Variants in ROBO2 observed in about 807,000 individuals in gnomAD.
The protein encoded by ROBO2 is roundabout homolog 2.
A neutral mutation model predicts 160.8 loss-of-function variants in ROBO2; 53 were observed. That is an observed-to-expected ratio of 0.33 (90% CI 0.26 to 0.41). ROBO2 has a LOEUF of 0.41. Ranked by LOEUF, ROBO2 falls within the 10% of genes least tolerant of loss-of-function variation. ROBO2 has a pLI of 1.00. For missense variants in ROBO2, 1,577 were observed against 1,722.4 expected, an observed-to-expected ratio of 0.92 and a Z score of 1.49; for synonymous variants, 664 against 611.7, an observed-to-expected ratio of 1.09 and a Z score of -1.26.
At chr3:77,549,421 C>G (rs1049621402) in intron 7 of ROBO2, among the ~76,000 whole-genome samples, 1 of 151,934 alleles carries the variant, frequency 6.6e-6, no homozygotes, top group African/African-American at 2.4e-5. Flanking sequence ...ACAGTAGAAT[C>G]AGCTGATTCT....
chr3:76,571,253 G>A (rs143436550), intron 2 of ROBO2, among the ~76,000 whole-genome samples: 137 of 152,230 alleles, frequency 9.0e-4, no homozygotes, highest in African/African-American at 3.2e-3. Context: ...CATGTTACTT[G>A]TTAGGAGATA....
intron 2 of ROBO2, among the ~76,000 whole-genome samples, chr3:76,444,270 G>A (rs571836680): frequency 2.0e-5 from 3 of 152,138 alleles, no homozygotes; most frequent in East Asian, 1.9e-4. Flanking sequence ...GAGGCACTGC[G>A]CCTGTCCTAA....
chr3:77,382,345 C>A lies in ROBO2; in HGVS notation c.389-95069C>A, dbSNP rs546177966. On this transcript the variant is annotated intron_variant, in intron 2 of 25. Transcript: ENST00000461745. ...CGTTGAAATAGTAGAAAACACATGTCCTTTTTTTTTTTTTTTTAAAAAGTC... is the reference window on the plus strand; with the variant it reads ...CGTTGAAATAGTAGAAAACACATGTACTTTTTTTTTTTTTTTTAAAAAGTC... Among the ~76,000 whole-genome samples the A allele has an allele frequency of 1.6e-4, 10 of 61,624 alleles. No individual in the cohort carries two copies. In the East Asian group the frequency reaches 4.6e-3, roughly 28 times the overall value. The allele number at this position is 61,624 out of a possible 152,430, so 40.4% of individuals were successfully genotyped here.
intron 2 of ROBO2, among the ~76,000 whole-genome samples, chr3:76,445,569 T>G (rs934290536): frequency 6.6e-5 from 10 of 152,110 alleles, no homozygotes; most frequent in African/African-American, 2.4e-4. Context: ...TACCAAAGCC[T>G]GGCAGAGACA....
chr3:77,134,797 C>T (rs531038616), intron 2 of ROBO2, among the ~76,000 whole-genome samples: 3 of 151,296 alleles, frequency 2.0e-5, no homozygotes, highest in Admixed American at 2.0e-4. Context: ...TAATTTCCCT[C>T]CCTACATAAT....
intron 1 of ROBO2, among the ~76,000 whole-genome samples, chr3:75,927,596 A>G (rs1412840098): frequency 1.3e-5 from 2 of 152,222 alleles, no homozygotes; most frequent in Non-Finnish European, 2.9e-5. Flanking sequence ...ACGAGCAGGT[A>G]GCACAAAATA....
chr3:77,100,340 C>T (rs911787711), intron 2 of ROBO2, among the ~76,000 whole-genome samples: 2 of 152,114 alleles, frequency 1.3e-5, no homozygotes, highest in Non-Finnish European at 2.9e-5. Flanking sequence ...CCATTTGAGG[C>T]ATCACAAGGT....
intron 5 of ROBO2, among the ~76,000 whole-genome samples, chr3:77,495,933 G>A (rs2086727572): frequency 2.0e-5 from 3 of 152,136 alleles, no homozygotes; most frequent in South Asian, 2.1e-4. Flanking sequence ...GTAGGTGTTA[G>A]GTCATAAACC....
At chr3:76,991,338 T>G in intron 2 of ROBO2, among the ~76,000 whole-genome samples, 1 of 152,354 alleles carries the variant, frequency 6.6e-6, no homozygotes, top group South Asian at 2.1e-4. Context: ...TGCAACATTC[T>G]AAACTACTAA....
intron 2 of ROBO2, among the ~76,000 whole-genome samples, chr3:76,002,380 G>T (rs1208936976): frequency 2.0e-5 from 3 of 152,144 alleles, no homozygotes; most frequent in Non-Finnish European, 4.4e-5. Flanking sequence ...CCCGTGTGTT[G>T]TGGGAGGGAC....
chr3:77,375,898 T>A (rs1299297913), intron 2 of ROBO2, among the ~76,000 whole-genome samples: 1 of 149,428 alleles, frequency 6.7e-6, no homozygotes, highest in Admixed American at 6.7e-5. Context: ...AAATTACCGA[T>A]GATTTCAGTA....
intron 2 of ROBO2, among the ~76,000 whole-genome samples, chr3:77,259,036 G>A (rs2058609505): frequency 1.3e-5 from 2 of 152,114 alleles, no homozygotes; most frequent in Admixed American, 6.5e-5. Flanking sequence ...TTTCCTGCAC[G>A]TCTCCTTGGC....
chr3:76,292,862 A>G (rs1256432915), intron 2 of ROBO2, among the ~76,000 whole-genome samples: 1 of 152,062 alleles, frequency 6.6e-6, no homozygotes, highest in African/African-American at 2.4e-5. Flanking sequence ...ATCTCATTGT[A>G]GTGATCTTAT....
intron 2 of ROBO2, among the ~76,000 whole-genome samples, chr3:76,448,886 G>C (rs1372180757): frequency 6.6e-6 from 1 of 152,108 alleles, no homozygotes; most frequent in Non-Finnish European, 1.5e-5. Context: ...TGAAATACAA[G>C]TCTAAATCAC....
At position 76,216,266 on chromosome 3, in the gene ROBO2, A is replaced by C. The variant is rs893045513; in HGVS notation, c.109+278664A>C. Among the ~76,000 whole-genome samples, 3 of 152,314 alleles carry C rather than the reference A, an allele frequency of 2.0e-5. No individual in the cohort carries two copies. The South Asian group carries it at 6.2e-4, about 32-fold the overall frequency. On this transcript the variant is annotated intron_variant, in intron 2 of 26. Transcript: ENST00000487694. ...AACTGCATCAACTAATGAGCAAAAT[A>C]ACCAGCTAACATCATAATGAGAGGA...
rs758459656 is a variant in ROBO2, at chr3:77,607,960, G to C, written c.3293+6G>C. On this transcript the variant is annotated splice_donor_region_variant and intron_variant, in intron 21 of 25. Transcript: ENST00000461745. ...GTGGAACAACAAGAAAATGGGTAAA[G>C]ATATTTTATATACTAGCAAAATGGC... 5.6e-6 allele frequency: 9 copies of C among 1,613,792 alleles called. No individual in the cohort carries two copies. The South Asian group carries it at 9.9e-5, about 18-fold the overall frequency.
chr3:76,233,416 T>G (rs1201132827), intron 2 of ROBO2, among the ~76,000 whole-genome samples: 2 of 152,156 alleles, frequency 1.3e-5, no homozygotes, highest in Non-Finnish European at 2.9e-5. Flanking sequence ...GCTGCTGGGA[T>G]GACAGTTGTG....
chr3:75,956,869 G>A (rs1430526188), intron 2 of ROBO2, among the ~76,000 whole-genome samples: 5 of 151,626 alleles, frequency 3.3e-5, no homozygotes, highest in African/African-American at 1.2e-4. Context: ...CCAAAAAGTT[G>A]GACAAAGTGT....
chr3:76,748,029 A>G (rs1329334160), intron 2 of ROBO2, among the ~76,000 whole-genome samples: 4 of 151,244 alleles, frequency 2.6e-5, no homozygotes, highest in Non-Finnish European at 5.9e-5. Context: ...TAATGAACAT[A>G]GTAAGATGAG....
Sources: allele counts gnomAD v4.1 joint callset (sites outside exome capture counted in the v4.1 genomes callset), GRCh38; gene constraint gnomAD v4.1.1; transcripts MANE v1.5; gene names NCBI Gene and HGNC (gene_info 2026-07-23, HGNC 2026-07-21).